Variants in COG1 observed in about 807,000 individuals in gnomAD.
COG1 encodes the protein conserved oligomeric Golgi complex subunit 1.
A neutral mutation model predicts 102.2 loss-of-function variants in COG1; 61 were observed. The observed-to-expected ratio is 0.60, with a 90% confidence interval of 0.49 to 0.74. The LOEUF is 0.74. Ranked by LOEUF, COG1 falls within the 30% of genes least tolerant of loss-of-function variation. The probability of loss-of-function intolerance (pLI) is 0.00; values close to 1 mark genes in which losing one functional copy is unlikely to be tolerated. For synonymous variants in COG1, 454 were observed against 493.6 expected (o/e 0.92, Z 1.06); for missense variants, 1,164 against 1,232.1 (o/e 0.94, Z 0.83).
At chr17:73,208,157 A>C (rs2145111408) in intron 13 of COG1, 157 bp from the exon 14 acceptor site, 1 of 1,525,662 alleles carries the variant, frequency 6.6e-7, no homozygotes, top group Non-Finnish European at 8.8e-7. Context: ...GTCCTCTTCA[A>C]ATCTGGACCG....
intron 12 of COG1, 126 bp from the exon 13 acceptor site, chr17:73,207,055 T>G (rs1018376593): frequency 1.2e-6 from 1 of 821,636 alleles, no homozygotes; most frequent in Middle Eastern, 3.6e-4. Flanking sequence ...ATTGCGCCAC[T>G]GCACTCCAGC....
intron 12 of COG1, 22 bp from the exon 13 acceptor site, chr17:73,207,159 A>ATTCTT (rs1555725910): frequency 2.5e-6 from 4 of 1,606,630 alleles, no homozygotes; most frequent in Non-Finnish European, 3.4e-6. Context: ...GTGCTACTAA[A>ATTCTT]TTCTTTCCTC....
chr17:73,196,813 T>C (rs2061327190), intron 2 of COG1, 62 bp downstream of exon 2: 1 of 1,613,956 alleles, frequency 6.2e-7, no homozygotes, highest in Non-Finnish European at 8.5e-7. Flanking sequence ...TACGGGTTTA[T>C]GGCGTTTGTC....
At chr17:73,206,655 TGCCTTTC>T in intron 11 of COG1, 46 bp from the exon 12 acceptor site, 2 of 1,103,918 alleles carry the variant, frequency 1.8e-6, no homozygotes, top group African/African-American at 1.6e-5. Flanking sequence ...TTTTTTTTTT[TGCCTTTC>T]TTTTACCTGC....
chr17:73,200,006 A>G lies in COG1; in HGVS notation c.1055A>G (p.Gln352Arg), dbSNP rs746631479. Residue 352 changes from glutamine (Q) to arginine (R), a missense_variant, in exon 5 of 14, where the codon CAG (glutamine) becomes CGG (arginine). Physicochemically the swap from Gln to Arg is conservative, Grantham distance 43. Transcript: ENST00000299886. ...CAGGAATACCTGAAAGACACGCTGC[A>G]GAAATGGATCCACATGTAAGTAACC... ...ISQEYLKDTL[Q>R]KWIHMCNEDI... 13 of 1,612,922 alleles carry G rather than the reference A, an allele frequency of 8.1e-6. No individual in the cohort carries two copies. Among genetic ancestry groups the G allele is most frequent in the Non-Finnish European group, 1.1e-5 (13 of 1,179,518 alleles).
At chr17:73,202,263 C>T (rs973963345) in intron 7 of COG1, among the ~76,000 whole-genome samples, 2 of 152,070 alleles carry the variant, frequency 1.3e-5, no homozygotes, top group Admixed American at 6.6e-5. Context: ...GGTGTGAACC[C>T]GGGAGGCAGA....
intron 4 of COG1, among the ~76,000 whole-genome samples, chr17:73,199,071 G>C (rs770323336): frequency 6.6e-6 from 1 of 152,206 alleles, no homozygotes; most frequent in African/African-American, 2.4e-5. Context: ...CAGTACAAGG[G>C]GCCTTGGGAG....
Position 73,193,186 on chromosome 17 carries a change from C to A in COG1, c.117C>A (p.Ala39=). Residue 39 remains alanine, a synonymous_variant, in exon 1 of 14, where the codon GCC becomes GCA. Coordinates refer to ENST00000299886, the MANE Select transcript of COG1 (RefSeq NM_018714.3). ...EIRGLERQVR[A]EIEHKKEELR... ...GCGGGCTGGAGCGCCAGGTTCGGGC[C>A]GAGATCGAGCACAAGAAGGAGGAGC... 6.2e-7 allele frequency: 1 copy of A among 1,607,960 alleles called. No individual in the cohort carries two copies. The highest frequency in any genetic ancestry group is 2.2e-5 in the East Asian group (1 of 44,592).
chr17:73,207,070 G>T, intron 12 of COG1, 111 bp from the exon 13 acceptor site: 1 of 933,750 alleles, frequency 1.1e-6, no homozygotes, highest in South Asian at 1.4e-5. Context: ...TCCAGCCTGG[G>T]CGACAGAACG....
rs1243063985 is a variant in COG1, at chr17:73,201,391, G to A, written c.1564G>A (p.Asp522Asn). 1 of 1,614,080 alleles carries A rather than the reference G, an allele frequency of 6.2e-7. No individual in the cohort carries two copies. The highest frequency in any genetic ancestry group is 2.2e-5 in the East Asian group (1 of 44,882). Residue 522 changes from aspartate to asparagine, a missense_variant, in exon 7 of 14, where the codon GAT (aspartate) becomes AAT (asparagine). Transcript: ENST00000299886. ...PCVQNFCSAL[D>N]SKLKVKLDDL... ...TGTACAGAACTTCTGTTCTGCCCTG[G>A]ATTCTAAGCTGAAGGTTAAACTAGA...
At chr17:73,196,442 G>T (rs745563746) in intron 1 of COG1, 65 bp from the exon 2 acceptor site, 1 of 1,612,468 alleles carries the variant, frequency 6.2e-7, no homozygotes, top group African/African-American at 1.3e-5. Context: ...TTCTTCCTAA[G>T]CCTACAGAAC....
intron 1 of COG1, among the ~76,000 whole-genome samples, chr17:73,195,062 CT>C (rs757235121): frequency 6.6e-6 from 1 of 152,192 alleles, no homozygotes; most frequent in Non-Finnish European, 1.5e-5. Flanking sequence ...CACGTGTCCC[CT>C]TAGGTGGCCA....
At chr17:73,193,969 C>T (rs1439080209) in intron 1 of COG1, among the ~76,000 whole-genome samples, 1 of 152,114 alleles carries the variant, frequency 6.6e-6, no homozygotes, top group Non-Finnish European at 1.5e-5. Flanking sequence ...GCCACCACAG[C>T]CGGCCAAGCC....
intron 13 of COG1, chr17:73,207,702 T>G (rs1487189935): frequency 7.7e-7 from 1 of 1,292,404 alleles, no homozygotes; most frequent in Admixed American, 2.3e-5. Flanking sequence ...TTCATTTCAG[T>G]ACGATGCCAA....
rs140691967 is a variant in COG1, at chr17:73,197,321, C to A, written c.838C>A (p.Leu280Met). The change falls in exon 4 of 14, where the codon CTG becomes ATG. Residue 280 changes from leucine to methionine, a missense_variant. Transcript: ENST00000299886. ...HALFYTLPEG[L>M]LPDPALPCGL... is the part of the protein sequence containing the mutation. ...CCTTTTCTACACTTTGCCAGAAGGA[C>A]TGCTGCCAGATCCAGCCCTGCCATG... is the stretch of plus-strand genomic sequence containing the variant. 1.4e-4 allele frequency: 219 copies of A among 1,614,258 alleles called. 1 individual carries two copies. In the Middle Eastern group the frequency reaches 1.5e-3, roughly 11 times the overall value.
At chr17:73,202,830 CA>C in intron 7 of COG1, 169 bp from the exon 8 acceptor site, 2 of 741,836 alleles carry the variant, frequency 2.7e-6, no homozygotes, top group Non-Finnish European at 4.7e-6. Context: ...TAGTTAGCAA[CA>C]AAATTCCCAT....
Position 73,208,367 on chromosome 17 carries a change from G to A in COG1, c.2859G>A (p.Leu953=). 6.2e-7 allele frequency: 1 copy of A among 1,614,064 alleles called. No individual in the cohort carries two copies. Among genetic ancestry groups the A allele is most frequent in the South Asian group, 1.1e-5 (1 of 91,090 alleles). The part of the protein sequence containing the change: ...TAGDPTVPGS[L]FRQLVSEEDN... ...GTGACCCGACAGTTCCTGGCTCCTTGTTCAGACAGCTTGTCAGTGAAGAAG... is the reference window on the plus strand; with the variant it reads ...GTGACCCGACAGTTCCTGGCTCCTTATTCAGACAGCTTGTCAGTGAAGAAG... Residue 953 remains leucine (L), a synonymous_variant, in exon 14 of 14, where the codon TTG becomes TTA. Coordinates refer to ENST00000299886, the MANE Select transcript of COG1 (RefSeq NM_018714.3).
In COG1 at chr17:73,201,908, A is replaced by G; in HGVS notation, c.2073+8A>G. 1 of 1,613,384 alleles carries G rather than the reference A, an allele frequency of 6.2e-7. No homozygotes were observed. The highest frequency in any genetic ancestry group is 8.5e-7 in the Non-Finnish European group (1 of 1,179,558). On this transcript the variant is annotated splice_region_variant and intron_variant, in intron 7 of 13. Transcript: ENST00000299886. ...AGCAGTGCAGTTGTGAAAGTGAGTGATGTAATTTCTTATCCCTGTCTTGTC... is the reference window on the plus strand; with the variant it reads ...AGCAGTGCAGTTGTGAAAGTGAGTGGTGTAATTTCTTATCCCTGTCTTGTC...
intron 4 of COG1, among the ~76,000 whole-genome samples, chr17:73,199,019 A>C (rs1484146443): frequency 6.6e-6 from 1 of 152,144 alleles, no homozygotes; most frequent in Non-Finnish European, 1.5e-5. Context: ...CATCCCACTC[A>C]GGAAGGGTGG....
Sources: allele counts gnomAD v4.1 joint callset (sites outside exome capture counted in the v4.1 genomes callset), GRCh38; gene constraint gnomAD v4.1.1; transcripts MANE v1.5; gene names NCBI Gene and HGNC (gene_info 2026-07-23, HGNC 2026-07-21).